MARCHF1: variants seen among roughly 807,000 people sequenced by gnomAD.
MARCHF1 encodes the protein E3 ubiquitin-protein ligase MARCHF1.
Under a neutral mutation model 54.2 loss-of-function variants are expected in MARCHF1, and 40 were observed. That is an observed-to-expected ratio of 0.74 (90% CI 0.57 to 0.96). The LOEUF is 0.96. MARCHF1 is among the 40% of genes least tolerant of loss of function. MARCHF1 has a pLI of 0.00. For synonymous variants in MARCHF1, 236 were observed against 236.3 expected, an observed-to-expected ratio of 1.00 and a Z score of 0.01; for missense variants, 586 against 656.5, an observed-to-expected ratio of 0.89 and a Z score of 1.17.
At chr4:164,261,039 T>G (rs994489850) in intron 1 of MARCHF1, among the ~76,000 whole-genome samples, 4 of 151,962 alleles carry the variant, frequency 2.6e-5, no homozygotes, top group African/African-American at 9.7e-5. Context: ...AAAAGAGAGA[T>G]TTGGACATAG....
At chr4:163,641,209 T>A (rs929135426) in intron 5 of MARCHF1, among the ~76,000 whole-genome samples, 2 of 152,122 alleles carry the variant, frequency 1.3e-5, no homozygotes, top group African/African-American at 4.8e-5. Flanking sequence ...GAACATTTAA[T>A]ACCAAAGTTG....
At chr4:163,738,015 T>C (rs1169778034) in intron 4 of MARCHF1, among the ~76,000 whole-genome samples, 1 of 152,196 alleles carries the variant, frequency 6.6e-6, no homozygotes, top group African/African-American at 2.4e-5. Flanking sequence ...GGAAGCAGTT[T>C]AGGCTTCCTG....
chr4:164,217,122 C>A (rs962281432), intron 1 of MARCHF1, among the ~76,000 whole-genome samples: 2 of 152,124 alleles, frequency 1.3e-5, no homozygotes, highest in African/African-American at 4.8e-5. Flanking sequence ...CAGCTGCTTG[C>A]CAATGATTTT....
At position 164,275,753 on chromosome 4, in the gene MARCHF1, G is replaced by GCCTTTTC. The variant is rs558426042; in HGVS notation, c.-323+108110_-323+108116dup. ...ATTGAAGACTGAAAGAAAGAAAAAG[G>GCCTTTTC]CCTTTTCCCTTTTCCTTGAGAAGCA... is the stretch of plus-strand genomic sequence containing the variant. On this transcript the variant is annotated intron_variant, in intron 1 of 9. Coordinates refer to ENST00000514618, the MANE Select transcript of MARCHF1 (RefSeq NM_001394959.1). Among the ~76,000 whole-genome samples, 58 of 152,282 alleles carry GCCTTTTC rather than the reference G, an allele frequency of 3.8e-4. No individual in the cohort carries two copies. The East Asian group carries it at 0.011, about 29-fold the overall frequency.
At chr4:163,647,973 T>C (rs563523573) in intron 5 of MARCHF1, among the ~76,000 whole-genome samples, 3 of 151,230 alleles carry the variant, frequency 2.0e-5, no homozygotes, top group African/African-American at 7.3e-5. Flanking sequence ...GTTGGTTTTT[T>C]AAAAAAAAGA....
intron 2 of MARCHF1, among the ~76,000 whole-genome samples, chr4:164,099,263 C>A (rs932380232): frequency 6.6e-6 from 1 of 152,126 alleles, no homozygotes; most frequent in African/African-American, 2.4e-5. Context: ...TACAATCGTG[C>A]TACCATGTAA....
intron 4 of MARCHF1, among the ~76,000 whole-genome samples, chr4:163,762,736 A>T (rs1746863084): frequency 6.6e-6 from 1 of 152,084 alleles, no homozygotes; most frequent in Non-Finnish European, 1.5e-5. Context: ...GAGCATATGA[A>T]ATCTTGGTAC....
At chr4:164,043,037 G>A (rs915674113) in intron 2 of MARCHF1, among the ~76,000 whole-genome samples, 1 of 152,230 alleles carries the variant, frequency 6.6e-6, no homozygotes, top group Non-Finnish European at 1.5e-5. Context: ...AGCCCCTGTG[G>A]CTGCTTTCAT....
intron 1 of MARCHF1, among the ~76,000 whole-genome samples, chr4:164,209,964 T>G (rs745590927): frequency 6.6e-4 from 101 of 152,336 alleles, no homozygotes; most frequent in Admixed American, 2.1e-3. Context: ...TATTGGCTAA[T>G]GAGTTATTTG....
At chr4:163,617,789 T>A (rs2110947742) in intron 5 of MARCHF1, among the ~76,000 whole-genome samples, 1 of 152,262 alleles carries the variant, frequency 6.6e-6, no homozygotes, top group South Asian at 2.1e-4. Flanking sequence ...GCAGCCCAAG[T>A]GTCCTCAAAT....
chr4:163,805,749 A>C (rs1270276773), intron 4 of MARCHF1, among the ~76,000 whole-genome samples: 1 of 152,186 alleles, frequency 6.6e-6, no homozygotes, highest in Non-Finnish European at 1.5e-5. Flanking sequence ...CCACAACATT[A>C]GTTGCTCTGA....
At chr4:164,177,306 C>T (rs1275420037) in intron 1 of MARCHF1, among the ~76,000 whole-genome samples, 1 of 151,908 alleles carries the variant, frequency 6.6e-6, no homozygotes. Context: ...AAGAGAAATC[C>T]TTTTGTAAAT....
intron 1 of MARCHF1, among the ~76,000 whole-genome samples, chr4:164,140,560 G>A (rs1488590450): frequency 6.6e-6 from 1 of 152,020 alleles, no homozygotes; most frequent in African/African-American, 2.4e-5. Flanking sequence ...TCTGCATGTA[G>A]GTATATTTCT....
At chr4:164,351,261 C>T (rs1276800102) in intron 1 of MARCHF1, among the ~76,000 whole-genome samples, 12 of 149,626 alleles carry the variant, frequency 8.0e-5, no homozygotes, top group Non-Finnish European at 1.5e-4. Context: ...GAGCCCACGA[C>T]AGCTCAAGGA....
At chr4:163,543,707 A>G (rs528781416) in intron 9 of MARCHF1, among the ~76,000 whole-genome samples, 2 of 152,308 alleles carry the variant, frequency 1.3e-5, no homozygotes, top group African/African-American at 2.4e-5. Flanking sequence ...AATGATTGCT[A>G]TTCAGTCACA....
intron 9 of MARCHF1, chr4:163,529,915 C>T (rs954875418): frequency 6.6e-6 from 1 of 151,918 alleles, no homozygotes; most frequent in Non-Finnish European, 1.5e-5. Context: ...GGGACAATAG[C>T]TGTCTTCCCG....
intron 4 of MARCHF1, among the ~76,000 whole-genome samples, chr4:163,818,615 T>C (rs1748607710): frequency 2.6e-5 from 4 of 152,066 alleles, no homozygotes; most frequent in Admixed American, 2.6e-4. Flanking sequence ...CTTTTATCTG[T>C]CCCTCATTTC....
At chr4:163,716,769 T>G (rs1206867187) in intron 4 of MARCHF1, among the ~76,000 whole-genome samples, 2 of 152,162 alleles carry the variant, frequency 1.3e-5, no homozygotes, top group Non-Finnish European at 2.9e-5. Context: ...ACTGTCAAAG[T>G]TTGAGTTGGT....
At chr4:163,630,997 G>A (rs1175422582) in intron 5 of MARCHF1, among the ~76,000 whole-genome samples, 2 of 152,154 alleles carry the variant, frequency 1.3e-5, no homozygotes, top group African/African-American at 4.8e-5. Flanking sequence ...GGAGAGGAAT[G>A]TAAGTGTCTG....
Sources: allele counts gnomAD v4.1 joint callset (sites outside exome capture counted in the v4.1 genomes callset), GRCh38; gene constraint gnomAD v4.1.1; transcripts MANE v1.5; gene names NCBI Gene and HGNC (gene_info 2026-07-23, HGNC 2026-07-21).